SLC4A8: variants seen among roughly 807,000 people sequenced by gnomAD.
SLC4A8 encodes the protein electroneutral sodium bicarbonate exchanger 1.
In SLC4A8, 40 loss-of-function variants were observed where a neutral mutation model predicts 125.0. The ratio of observed to expected loss-of-function variants is 0.32; its 90% CI spans 0.25 to 0.42. The LOEUF (loss-of-function observed/expected upper bound fraction) is 0.42. SLC4A8 is among the 10% of genes least tolerant of loss of function. SLC4A8 has a pLI of 1.00. For synonymous variants in SLC4A8, 456 were observed against 476.0 expected (o/e 0.96, Z 0.55); for missense variants, 863 against 1,355.1 (o/e 0.64, Z 5.70).
In SLC4A8 at chr12:51,416,218, T is replaced by TTTTG. The variant is rs1555185918; in HGVS notation, c.-111-24487_-111-24486insGTTT. Among the ~76,000 whole-genome samples the TTTTG allele has an allele frequency of 5.1e-4, 76 of 149,764 alleles. 2 individuals carry two copies. The East Asian group carries it at 0.013, about 26-fold the overall frequency. On this transcript the variant is annotated intron_variant, in intron 1 of 24. Transcript: ENST00000358657. Reference sequence around the variant, plus strand: ...GTTTGATGGAGGTCTTTTGTTTTTTTTTTTTTTTTTTTTTGAGAATTTGTG... The same window carrying TTTTG: ...GTTTGATGGAGGTCTTTTGTTTTTTTTTTGTTTTTTTTTTTTTTGAGAATTTGTG...
At chr12:51,430,096 C>T (rs1314326412) in intron 1 of SLC4A8, among the ~76,000 whole-genome samples, 1 of 152,010 alleles carries the variant, frequency 6.6e-6, no homozygotes, top group African/African-American at 2.4e-5. Context: ...TGGGCAATTA[C>T]CAAGGCTTTT....
chr12:51,442,889 G>A (rs1949646988), intron 2 of SLC4A8, among the ~76,000 whole-genome samples: 1 of 152,074 alleles, frequency 6.6e-6, no homozygotes, highest in African/African-American at 2.4e-5. Context: ...ATCTCTTGAA[G>A]GCATAGAATA....
chr12:51,462,892 CA>C (rs34546728), intron 10 of SLC4A8: 308 of 103,832 alleles, frequency 3.0e-3, no homozygotes, highest in East Asian at 0.016. Flanking sequence ...GACTCCACCT[CA>C]AAAAAAAAAA....
intron 16 of SLC4A8, among the ~76,000 whole-genome samples, chr12:51,476,215 C>T (rs1019721717): frequency 6.6e-6 from 1 of 152,200 alleles, no homozygotes; most frequent in African/African-American, 2.4e-5. Flanking sequence ...GGCGTGGTGG[C>T]TCACACCTGT....
intron 1 of SLC4A8, among the ~76,000 whole-genome samples, chr12:51,438,456 G>A (rs949622249): frequency 6.6e-6 from 1 of 152,122 alleles, no homozygotes; most frequent in African/African-American, 2.4e-5. Flanking sequence ...CAAATGACAA[G>A]ATTTCATACT....
Position 51,489,877 on chromosome 12 carries a change from C to T in SLC4A8, c.2626C>T (p.Arg876Ter), listed in dbSNP as rs1273934687. ...PGEQPKFLGI[R>*]EQRVTGLMIF... ...AGAACAGCCCAAGTTCCTGGGCATC[C>T]GAGAACAGAGAGTGACAGGCCTTAT... is the stretch of plus-strand genomic sequence containing the variant. Residue 876 changes from arginine to a stop codon, truncating the protein, a stop_gained, in exon 19 of 25, where the codon CGA (arginine) becomes TGA (stop). Coordinates refer to ENST00000453097, the MANE Select transcript of SLC4A8 (RefSeq NM_001039960.3). LOFTEE classifies it high-confidence loss of function. The T allele has an allele frequency of 1.9e-6, 3 of 1,614,058 alleles. No individual in the cohort carries two copies. Among genetic ancestry groups the T allele is most frequent in the Non-Finnish European group, 2.5e-6 (3 of 1,180,038 alleles).
At position 51,471,677 on chromosome 12, in the gene SLC4A8, T is replaced by C. The variant is rs531631517; in HGVS notation, c.1904+145T>C. Reference sequence around the variant, plus strand: ...ACGGATCTCAGATACAGACAAGGAGTATTGGAGGGCTGCCAGAGGAGAACA... The same window carrying C: ...ACGGATCTCAGATACAGACAAGGAGCATTGGAGGGCTGCCAGAGGAGAACA... On this transcript the variant is annotated intron_variant, in intron 14 of 24. Coordinates refer to ENST00000453097, the MANE Select transcript of SLC4A8 (RefSeq NM_001039960.3). The C allele has an allele frequency of 4.6e-5, 39 of 855,152 alleles. No homozygotes were observed. In the African/African-American group the frequency reaches 6.4e-4, roughly 14 times the overall value. The allele number at this position is 855,152 out of a possible 1,614,324, so 53.0% of individuals were successfully genotyped here.
chr12:51,505,387 T>C (rs891910727), intron 23 of SLC4A8, among the ~76,000 whole-genome samples: 1 of 152,222 alleles, frequency 6.6e-6, no homozygotes, highest in South Asian at 2.1e-4. Flanking sequence ...GTTGCTATGA[T>C]AGTTAAGATA....
intron 1 of SLC4A8, among the ~76,000 whole-genome samples, chr12:51,426,941 C>CT (rs555144134): frequency 0.015 from 1,921 of 131,314 alleles, 66 homozygotes; most frequent in African/African-American, 0.044. Context: ...TTTTTCTTTT[C>CT]TTTTTTTTTT....
Position 51,461,296 on chromosome 12 carries a change from G to C in SLC4A8, c.1101+5G>C. 6.4e-7 allele frequency: 1 copy of C among 1,566,058 alleles called. No homozygotes were observed. The highest frequency in any genetic ancestry group is 1.1e-5 in the South Asian group (1 of 90,012). ...GCCACCATCATGACAGATGAGGTAT[G>C]TGCAACTTTTGCTTCAGTCTTCCAT... On this transcript the variant is annotated splice_donor_5th_base_variant and intron_variant, in intron 9 of 24. Coordinates refer to ENST00000453097, the MANE Select transcript of SLC4A8 (RefSeq NM_001039960.3).
intron 13 of SLC4A8, 135 bp from the exon 14 acceptor site, chr12:51,471,152 G>T (rs541420200): frequency 2.5e-5 from 21 of 841,350 alleles, no homozygotes; most frequent in Non-Finnish European, 4.0e-5. Context: ...CTATTTAGAA[G>T]GAAAATACAA....
chr12:51,473,148 A>C (rs1950756154), intron 14 of SLC4A8, among the ~76,000 whole-genome samples: 1 of 152,210 alleles, frequency 6.6e-6, no homozygotes, highest in African/African-American at 2.4e-5. Context: ...TGTATCCTCC[A>C]TTATAATATC....
intron 11 of SLC4A8, chr12:51,467,256 G>A (rs957510182): frequency 1.3e-5 from 2 of 152,136 alleles, no homozygotes; most frequent in Non-Finnish European, 2.9e-5. Flanking sequence ...CATGATTTAG[G>A]CTAGACCATG....
intron 1 of SLC4A8, among the ~76,000 whole-genome samples, chr12:51,434,387 T>C (rs1316065786): frequency 6.6e-6 from 1 of 152,234 alleles, no homozygotes; most frequent in Non-Finnish European, 1.5e-5. Context: ...GAGTACCTTG[T>C]AGTTTTTTAA....
chr12:51,469,925 C>T (rs1276108123), intron 12 of SLC4A8, 137 bp downstream of exon 12: 2 of 709,366 alleles, frequency 2.8e-6, no homozygotes, highest in African/African-American at 3.6e-5. Context: ...CCATGGTCTT[C>T]TGACATCACA....
Position 51,452,164 on chromosome 12 carries a change from G to A in SLC4A8, c.318G>A (p.Glu106=). ...SQRVQFILGT[E]EDEEHVPHEL... ...GTGTTCAGTTCATTCTTGGCACCGAGGAAGATGAAGAGCATGTGCCTCATG... is the reference window on the plus strand; with the variant it reads ...GTGTTCAGTTCATTCTTGGCACCGAAGAAGATGAAGAGCATGTGCCTCATG... The change falls in exon 4 of 25, where the codon GAG becomes GAA. Residue 106 remains glutamate, a synonymous_variant. Coordinates refer to ENST00000453097, the MANE Select transcript of SLC4A8 (RefSeq NM_001039960.3). 6.2e-7 allele frequency: 1 copy of A among 1,614,174 alleles called. No individual in the cohort carries two copies. Among genetic ancestry groups the A allele is most frequent in the Non-Finnish European group, 8.5e-7 (1 of 1,180,000 alleles).
At chr12:51,483,128 C>T (rs1951071343) in intron 16 of SLC4A8, among the ~76,000 whole-genome samples, 1 of 152,146 alleles carries the variant, frequency 6.6e-6, no homozygotes, top group African/African-American at 2.4e-5. Flanking sequence ...CCTCAGTGTG[C>T]TGCTTCTCTC....
At chr12:51,445,446 G>T (rs1949743478) in intron 2 of SLC4A8, among the ~76,000 whole-genome samples, 4 of 152,176 alleles carry the variant, frequency 2.6e-5, no homozygotes, top group Non-Finnish European at 5.9e-5. Context: ...GAGATAACAG[G>T]TGTGGGCCGC....
At chr12:51,427,502 C>T (rs1949031151) in intron 1 of SLC4A8, among the ~76,000 whole-genome samples, 1 of 151,816 alleles carries the variant, frequency 6.6e-6, no homozygotes, top group Admixed American at 6.6e-5. Flanking sequence ...ACAATGGGAA[C>T]AGTAGGACCT....
Sources: gnomAD v4.1 joint callset for allele counts (sites outside exome capture counted in the v4.1 genomes callset) on GRCh38, gnomAD v4.1.1 for gene constraint, MANE v1.5 for transcripts, NCBI Gene and HGNC (gene_info 2026-07-23, HGNC 2026-07-21) for gene names.